ADAMTS17: variants seen among roughly 807,000 people sequenced by gnomAD.
The protein encoded by ADAMTS17 is ADAM metallopeptidase with thrombospondin type 1 motif 17.
In ADAMTS17, 113 loss-of-function variants were observed where a neutral mutation model predicts 141.5. The ratio of observed to expected loss-of-function variants is 0.80; its 90% CI spans 0.69 to 0.93. The LOEUF (loss-of-function observed/expected upper bound fraction) is 0.93, where lower values mean the gene tolerates loss of function less well. Among genes scored for constraint, ADAMTS17 ranks in the 40% least tolerant of loss-of-function variants. ADAMTS17 has a pLI of 0.00. For synonymous variants in ADAMTS17, 768 were observed against 630.6 expected, an observed-to-expected ratio of 1.22 and a Z score of -3.27; for missense variants, 1,659 against 1,517.9, an observed-to-expected ratio of 1.09 and a Z score of -1.54.
Position 99,974,079 on chromosome 15 carries a change from C to T in ADAMTS17, c.*323G>A, listed in dbSNP as rs1313958041. 6 of 421,312 alleles carry T rather than the reference C, an allele frequency of 1.4e-5. No individual in the cohort carries two copies. Among genetic ancestry groups the T allele is most frequent in the African/African-American group, 1.2e-4 (6 of 49,350 alleles). 26.1% of individuals were successfully genotyped at this position (421,312 alleles called of 1,614,324 possible). A position where few individuals can be genotyped will look rare whatever the true frequency, so the allele number is the denominator to read the frequency against. On this transcript the variant is annotated 3_prime_UTR_variant, in exon 22 of 22. Transcript: ENST00000268070. ...GGAAATTCAAATGTCAAAAGCGAGT[C>T]AAGACAAGAACACTAAATGATGTCT...
At chr15:100,297,774 A>G (rs1296254444) in intron 3 of ADAMTS17, among the ~76,000 whole-genome samples, 3 of 152,196 alleles carry the variant, frequency 2.0e-5, no homozygotes, top group Non-Finnish European at 4.4e-5. Context: ...AATGCCTCAG[A>G]GCTCACAGCA....
At chr15:99,992,020 C>T (rs1424055267) in intron 20 of ADAMTS17, among the ~76,000 whole-genome samples, 3 of 151,614 alleles carry the variant, frequency 2.0e-5, no homozygotes, top group African/African-American at 4.9e-5. Flanking sequence ...CAGGGACTGT[C>T]GTAGGGTGGG....
At chr15:100,082,623 AT>A (rs895565210) in intron 15 of ADAMTS17, among the ~76,000 whole-genome samples, 2 of 151,642 alleles carry the variant, frequency 1.3e-5, no homozygotes, top group Admixed American at 6.6e-5. Context: ...CATATTTTTA[AT>A]TTTTGAGATC....
intron 15 of ADAMTS17, among the ~76,000 whole-genome samples, chr15:100,079,426 G>A (rs2034588527): frequency 6.6e-6 from 1 of 152,120 alleles, no homozygotes; most frequent in African/African-American, 2.4e-5. Context: ...CTATGCTAAG[G>A]GAAAAAAGCC....
intron 11 of ADAMTS17, 106 bp downstream of exon 11, chr15:100,133,108 G>T: frequency 3.5e-6 from 4 of 1,137,208 alleles, no homozygotes; most frequent in Non-Finnish European, 5.0e-6. Context: ...CCTGGGGGAT[G>T]TTTCAGGGGC....
intron 12 of ADAMTS17, among the ~76,000 whole-genome samples, chr15:100,119,332 T>G (rs908218448): frequency 1.3e-5 from 2 of 152,134 alleles, no homozygotes; most frequent in Non-Finnish European, 2.9e-5. Flanking sequence ...GGAACTTACA[T>G]GCAGACTAAG....
In ADAMTS17 at chr15:99,971,513, T is replaced by G. The variant is rs768332296; in HGVS notation, c.*2889A>C. 3 of 152,254 alleles carry G rather than the reference T, an allele frequency of 2.0e-5. No individual in the cohort carries two copies. The highest frequency in any genetic ancestry group is 2.9e-5 in the Non-Finnish European group (2 of 68,038). The allele number at this position is 152,254 out of a possible 1,614,324, so 9.4% of individuals were successfully genotyped here. On this transcript the variant is annotated 3_prime_UTR_variant, in exon 22 of 22. Coordinates refer to ENST00000268070, the MANE Select transcript of ADAMTS17 (RefSeq NM_139057.4). ...GATTAATTTTTCTATATAATTTTCATGTATAATGGCGTCCAATGTTTGTCT... is the reference window on the plus strand; with the variant it reads ...GATTAATTTTTCTATATAATTTTCAGGTATAATGGCGTCCAATGTTTGTCT...
chr15:100,314,755 A>T (rs542756443), intron 3 of ADAMTS17, among the ~76,000 whole-genome samples: 18 of 152,216 alleles, frequency 1.2e-4, no homozygotes, highest in Admixed American at 9.8e-4. Flanking sequence ...ACACCAAGTT[A>T]TTGGGAATGG....
chr15:100,086,278 A>G (rs931078904), intron 15 of ADAMTS17, among the ~76,000 whole-genome samples: 1 of 152,038 alleles, frequency 6.6e-6, no homozygotes, highest in African/African-American at 2.4e-5. Context: ...AAAGGGATCA[A>G]TTCAACAAGA....
chr15:100,231,329 C>A (rs141221346), intron 7 of ADAMTS17, among the ~76,000 whole-genome samples: 1 of 152,158 alleles, frequency 6.6e-6, no homozygotes, highest in African/African-American at 2.4e-5. Context: ...TGGCAATGAC[C>A]CCTATGTCTA....
intron 14 of ADAMTS17, among the ~76,000 whole-genome samples, chr15:100,101,520 C>T (rs965040987): frequency 3.9e-5 from 6 of 152,328 alleles, no homozygotes; most frequent in South Asian, 2.1e-4. Flanking sequence ...ATCACGCCTT[C>T]GCCTCTGGTC....
At chr15:100,293,365 A>G (rs1032657602) in intron 3 of ADAMTS17, among the ~76,000 whole-genome samples, 3 of 152,228 alleles carry the variant, frequency 2.0e-5, no homozygotes, top group Non-Finnish European at 2.9e-5. Context: ...AAGGGCCCCA[A>G]TGGGCAGCCC....
intron 3 of ADAMTS17, chr15:100,306,342 A>T (rs1403548533): frequency 2.6e-6 from 1 of 385,496 alleles, no homozygotes; most frequent in Non-Finnish European, 5.2e-6. Flanking sequence ...AAGGCAGCAC[A>T]GCTCCTGCTG....
At chr15:100,240,136 G>C (rs1393721156) in intron 7 of ADAMTS17, among the ~76,000 whole-genome samples, 2 of 152,150 alleles carry the variant, frequency 1.3e-5, no homozygotes, top group Non-Finnish European at 2.9e-5. Context: ...GCTCAGGAGG[G>C]GCCCTGGGCC....
At chr15:100,155,415 T>C in intron 8 of ADAMTS17, 95 bp from the exon 9 acceptor site, 1 of 1,535,078 alleles carries the variant, frequency 6.5e-7, no homozygotes, top group Non-Finnish European at 8.8e-7. Context: ...AATCAAGTCT[T>C]AAAAACAAAA....
In ADAMTS17 at chr15:100,102,525, GGGCCGACCGAAGGGGATCTACATTTGAA is replaced by G. The variant is rs1418922048; in HGVS notation, c.2017-6077_2017-6050del. Among the ~76,000 whole-genome samples the G allele has an allele frequency of 3.8e-3, 472 of 123,434 alleles. 1 individual carries two copies. Among genetic ancestry groups the G allele is most frequent in the South Asian group, 9.2e-3 (33 of 3,578 alleles). The allele number at this position is 123,434 out of a possible 152,430, so 81.0% of individuals were successfully genotyped here. On this transcript the variant is annotated intron_variant, in intron 14 of 21. Transcript: ENST00000268070. The stretch of plus-strand genomic sequence containing the variant: ...CCGACCGAAGGGGATCTACATTTGA[GGGCCGACCGAAGGGGATCTACATTTGAA>G]GGCCGACCGAAGGGGCTCTACATTT...
rs541130118 is a variant in ADAMTS17 at position 100,256,197 on chromosome 15, T to C, written c.1032-2018A>G. 2.6e-5 allele frequency among the ~76,000 whole-genome samples: 4 copies of C among 152,252 alleles called. No individual in the cohort carries two copies. The South Asian group carries it at 8.3e-4, about 32-fold the overall frequency. On this transcript the variant is annotated intron_variant, in intron 6 of 21. Coordinates refer to ENST00000268070, the MANE Select transcript of ADAMTS17 (RefSeq NM_139057.4). ...GGGACTGTAGGGTTCACTTCAGGAA[T>C]GAAAAGAGGGCTAGACTTGGCTCCC... is the stretch of plus-strand genomic sequence containing the variant.
chr15:99,982,846 C>T (rs995470448), intron 20 of ADAMTS17, among the ~76,000 whole-genome samples: 2 of 152,140 alleles, frequency 1.3e-5, no homozygotes, highest in East Asian at 3.9e-4. Context: ...CACAGCTGTG[C>T]GTCGGAGCTG....
chr15:100,208,651 C>T (rs1022461453), intron 7 of ADAMTS17, among the ~76,000 whole-genome samples: 1 of 152,150 alleles, frequency 6.6e-6, no homozygotes, highest in African/African-American at 2.4e-5. Context: ...CATGAGTTTA[C>T]AAATATTCAC....
Sources: allele counts gnomAD v4.1 joint callset (sites outside exome capture counted in the v4.1 genomes callset), GRCh38; gene constraint gnomAD v4.1.1; transcripts MANE v1.5; gene names NCBI Gene and HGNC (gene_info 2026-07-23, HGNC 2026-07-21).